The following GPSM1 variants were observed in gnomAD, a reference collection of about 807,000 sequenced individuals.
GPSM1 encodes G protein signaling modulator 1.
A neutral mutation model predicts 70.5 loss-of-function variants in GPSM1; 48 were observed. The observed-to-expected ratio is 0.68, with a 90% CI of 0.54 to 0.87. The LOEUF is 0.87. GPSM1 is among the 40% of genes least tolerant of loss of function. GPSM1 has a pLI of 0.00. For synonymous variants in GPSM1, 416 were observed against 430.1 expected (o/e 0.97, Z 0.41); for missense variants, 981 against 972.6 (o/e 1.01, Z -0.11).
rs1182961863 is a variant in GPSM1, at chr9:136,358,637, GT to G, written c.*418del. 1 of 284,220 alleles carries G rather than the reference GT, an allele frequency of 3.5e-6. No individual in the cohort carries two copies. The highest frequency in any genetic ancestry group is 6.6e-6 in the Non-Finnish European group (1 of 150,954). The allele number at this position is 284,220 out of a possible 1,614,324, so 17.6% of individuals were successfully genotyped here. A position where few individuals can be genotyped will look rare whatever the true frequency, so the allele number is the denominator to read the frequency against. ...GCCACCAAGGACAGGGCCATGTTCT[GT>G]CCCCCCAGAGCTGGTCTTGGGATGG... is the stretch of plus-strand genomic sequence containing the variant. On this transcript the variant is annotated 3_prime_UTR_variant, in exon 14 of 14. Coordinates refer to ENST00000440944, the MANE Select transcript of GPSM1 (RefSeq NM_001145638.3).
chr9:136,328,442 C>T (rs80284195), intron 1 of GPSM1, among the ~76,000 whole-genome samples: 4,827 of 152,286 alleles, frequency 0.032, 234 homozygotes, highest in African/African-American at 0.099. Flanking sequence ...CAGAGCCACA[C>T]GAGCGTGAGG....
Position 136,356,413 on chromosome 9 carries a change from C to T in GPSM1, c.1684C>T (p.Arg562Trp), listed in dbSNP as rs782671048. Residue 562 changes from arginine to tryptophan, a missense_variant, in exon 13 of 14, where the codon CGG (arginine) becomes TGG (tryptophan). Transcript: ENST00000440944. ...FDLIASSQSR[R>W]LDDQRASVGS... Reference sequence around the variant, plus strand: ...CCTCATCGCCAGCTCCCAGAGCCGCCGGCTGGACGACCAGCGGGCCAGCGT... The same window carrying T: ...CCTCATCGCCAGCTCCCAGAGCCGCTGGCTGGACGACCAGCGGGCCAGCGT... 1.2e-5 allele frequency: 20 copies of T among 1,609,922 alleles called. No homozygotes were observed. Among genetic ancestry groups the T allele is most frequent in the East Asian group, 6.7e-5 (3 of 44,806 alleles).
At chr9:136,349,479 C>T (rs1375209959) in intron 10 of GPSM1, 108 bp from the exon 11 acceptor site, 13 of 976,046 alleles carry the variant, frequency 1.3e-5, no homozygotes, top group African/African-American at 8.2e-5. Context: ...TGGGCACCTA[C>T]GGCGTGCATC....
chr9:136,357,989 C>G, intron 13 of GPSM1, 25 bp from the exon 14 acceptor site: 2 of 1,598,568 alleles, frequency 1.3e-6, no homozygotes, highest in South Asian at 2.2e-5. Context: ...GGGGTGAGGC[C>G]GCCAACTGCA....
chr9:136,348,505 C>T (rs1230072421), intron 9 of GPSM1, among the ~76,000 whole-genome samples, 192 bp from the exon 10 acceptor site: 2 of 152,216 alleles, frequency 1.3e-5, no homozygotes, highest in Non-Finnish European at 2.9e-5. Flanking sequence ...CGACACCTGT[C>T]CCCTTTGACT....
intron 2 of GPSM1, 129 bp downstream of exon 2, chr9:136,334,797 G>GC: frequency 1.3e-6 from 1 of 743,548 alleles, no homozygotes; most frequent in South Asian, 1.7e-5. Context: ...CCCTGCTGGT[G>GC]GGTGAGTGGG....
At chr9:136,348,797 C>T (rs373751039) in intron 10 of GPSM1, 30 bp downstream of exon 10, 3 of 1,545,372 alleles carry the variant, frequency 1.9e-6, no homozygotes, top group Non-Finnish European at 2.7e-6. Flanking sequence ...CCGATGTCAG[C>T]ACAGCCGCTG....
intron 11 of GPSM1, among the ~76,000 whole-genome samples, chr9:136,350,869 GGACA>G (rs1414831247): frequency 6.6e-6 from 1 of 152,182 alleles, no homozygotes; most frequent in Non-Finnish European, 1.5e-5. Context: ...GACGGACGGG[GGACA>G]GACAGACTGG....
chr9:136,354,866 A>T (rs868939931), intron 11 of GPSM1: 3 of 1,009,954 alleles, frequency 3.0e-6, no homozygotes, highest in Non-Finnish European at 3.5e-6. Flanking sequence ...TGTGGTGGGC[A>T]CAGGGACAGG....
Position 136,341,544 on chromosome 9 carries a change from A to G in GPSM1, c.1207+551A>G. 9.3e-7 allele frequency: 1 copy of G among 1,079,700 alleles called. No individual in the cohort carries two copies. Among genetic ancestry groups the G allele is most frequent in the Non-Finnish European group, 1.1e-6 (1 of 888,488 alleles). The allele number at this position is 1,079,700 out of a possible 1,614,324, so 66.9% of individuals were successfully genotyped here. On this transcript the variant is annotated intron_variant, in intron 9 of 13. Transcript: ENST00000440944. The surrounding 1 kb of genome is among the most constrained non-coding windows in gnomAD (Gnocchi z 6.7). ...GGACAGAACGTCCCCTGCAAAGCGA[A>G]AAGACTAATAGGTGCCAGGGGGGTG...
chr9:136,353,363 G>A (rs1325188819), intron 11 of GPSM1, among the ~76,000 whole-genome samples: 1 of 152,218 alleles, frequency 6.6e-6, no homozygotes, highest in African/African-American at 2.4e-5. Context: ...CTTGGGGCAA[G>A]GGAGAGGTTA....
rs781853122 is a variant in GPSM1 at position 136,334,520 on chromosome 9, G to A, written c.142G>A (p.Val48Met). 1.7e-5 allele frequency: 27 copies of A among 1,613,300 alleles called. No individual in the cohort carries two copies. The highest frequency in any genetic ancestry group is 8.3e-5 in the Admixed American group (5 of 60,030). Residue 48 changes from valine (V) to methionine (M), a missense_variant, in exon 2 of 14, where the codon GTG becomes ATG. Coordinates refer to ENST00000440944, the MANE Select transcript of GPSM1 (RefSeq NM_001145638.3). The part of the protein sequence containing the change: ...LCKAGDFKTG[V>M]AFFEAAVQVG... ...CAAGGCGGGCGACTTCAAGACAGGC[G>A]TGGCCTTCTTTGAGGCTGCTGTGCA...
chr9:136,336,959 G>A lies in GPSM1; in HGVS notation c.465G>A (p.Val155=), dbSNP rs1554769340. 1.9e-6 allele frequency: 3 copies of A among 1,557,532 alleles called. No individual in the cohort carries two copies. The highest frequency in any genetic ancestry group is 1.7e-4 in the Middle Eastern group (1 of 5,998). ...EARALYNIGN[V]YHAKGKQLSW... Reference sequence around the variant, plus strand: ...GGGCCCTCTACAACATCGGGAACGTGTACCACGCCAAAGGCAAGCAACTGT... The same window carrying A: ...GGGCCCTCTACAACATCGGGAACGTATACCACGCCAAAGGCAAGCAACTGT... The change falls in exon 4 of 14, where the codon GTG becomes GTA. Residue 155 remains valine, a synonymous_variant. Coordinates refer to ENST00000440944, the MANE Select transcript of GPSM1 (RefSeq NM_001145638.3).
At chr9:136,332,199 C>T (rs1294222537) in intron 1 of GPSM1, 4 of 399,008 alleles carry the variant, frequency 1.0e-5, no homozygotes, top group East Asian at 3.6e-5. Flanking sequence ...GGGGTGGTCA[C>T]GTGGGTGTGG....
rs1554773597 is a variant in GPSM1 at position 136,358,165 on chromosome 9, A to C, written c.1973A>C (p.Gln658Pro). The change falls in exon 14 of 14, where the codon CAG becomes CCG. Residue 658 changes from glutamine to proline, a missense_variant. Gln to Pro is a moderately conservative substitution (Grantham distance 76). Coordinates refer to ENST00000440944, the MANE Select transcript of GPSM1 (RefSeq NM_001145638.3). ...QRVDLAGGPE[Q>P]GAGGPPEPQQ... ...GTGGACCTCGCCGGGGGCCCGGAGC[A>C]GGGGGCAGGCGGCCCGCCCGAGCCC... is the stretch of plus-strand genomic sequence containing the variant. 3 of 1,590,932 alleles carry C rather than the reference A, an allele frequency of 1.9e-6. No homozygotes were observed. In the South Asian group the frequency reaches 3.4e-5, roughly 18 times the overall value.
Position 136,334,512 on chromosome 9 carries a change from A to G in GPSM1, c.134A>G (p.Lys45Arg). ...CGTCTGTGCAAGGCGGGCGACTTCA[A>G]GACAGGCGTGGCCTTCTTTGAGGCT... is the stretch of plus-strand genomic sequence containing the variant. Reference protein sequence around the residue: ...GERLCKAGDFKTGVAFFEAAV... With the variant: ...GERLCKAGDFRTGVAFFEAAV... The change falls in exon 2 of 14, where the codon AAG (lysine) becomes AGG (arginine). Residue 45 changes from lysine to arginine, a missense_variant. Physicochemically the swap from Lys to Arg is conservative, Grantham distance 26. Coordinates refer to ENST00000440944, the MANE Select transcript of GPSM1 (RefSeq NM_001145638.3). 6.2e-7 allele frequency: 1 copy of G among 1,613,378 alleles called. No individual in the cohort carries two copies. Among genetic ancestry groups the G allele is most frequent in the Non-Finnish European group, 8.5e-7 (1 of 1,179,982 alleles).
Position 136,341,510 on chromosome 9 carries a change from G to A in GPSM1, c.1207+517G>A. 8.2e-7 allele frequency: 1 copy of A among 1,226,294 alleles called. No homozygotes were observed. Among genetic ancestry groups the A allele is most frequent in the Non-Finnish European group, 1.0e-6 (1 of 977,826 alleles). The allele number at this position is 1,226,294 out of a possible 1,614,324, so 76.0% of individuals were successfully genotyped here. On this transcript the variant is annotated intron_variant, in intron 9 of 13. Coordinates refer to ENST00000440944, the MANE Select transcript of GPSM1 (RefSeq NM_001145638.3). The surrounding 1 kb of genome is among the most constrained non-coding windows in gnomAD (Gnocchi z 6.7). Reference sequence around the variant, plus strand: ...TCGTCCCATGCCGGTCAGCAGTGCTGCAGACACAGGACAGAACGTCCCCTG... The same window carrying A: ...TCGTCCCATGCCGGTCAGCAGTGCTACAGACACAGGACAGAACGTCCCCTG...
chr9:136,354,019 G>C (rs1832743562), intron 11 of GPSM1, among the ~76,000 whole-genome samples: 1 of 152,178 alleles, frequency 6.6e-6, no homozygotes, highest in African/African-American at 2.4e-5. Flanking sequence ...TGTTGCCTTA[G>C]GCCTGAGCCA....
chr9:136,328,751 G>A (rs1217485796), intron 1 of GPSM1, among the ~76,000 whole-genome samples: 1 of 152,132 alleles, frequency 6.6e-6, no homozygotes, highest in East Asian at 1.9e-4. Context: ...CCATTGTGCC[G>A]TCCTGGATGG....
Sources: allele counts gnomAD v4.1 joint callset (sites outside exome capture counted in the v4.1 genomes callset), GRCh38; gene constraint gnomAD v4.1.1; non-coding constraint Gnocchi (gnomAD v3.1); transcripts MANE v1.5; gene names NCBI Gene and HGNC (gene_info 2026-07-23, HGNC 2026-07-21).